The following IFT80 variants were observed in gnomAD, a reference collection of about 807,000 sequenced individuals.
The protein encoded by IFT80 is intraflagellar transport protein 80 homolog.
IFT80 carries 79 observed loss-of-function variants against 107.9 expected under a neutral mutation model. The ratio of observed to expected loss-of-function variants is 0.73; its 90% confidence interval spans 0.61 to 0.88. The LOEUF (loss-of-function observed/expected upper bound fraction) is 0.88, where lower values mean the gene tolerates loss of function less well. Among genes scored for constraint, IFT80 ranks in the 40% least tolerant of loss-of-function variants. IFT80 has a pLI of 0.00. For missense variants in IFT80, 797 were observed against 914.2 expected (o/e 0.87, Z 1.65); for synonymous variants, 299 against 300.9 (o/e 0.99, Z 0.07).
intron 6 of IFT80, among the ~76,000 whole-genome samples, chr3:160,361,025 C>T (rs529059664): frequency 5.6e-4 from 86 of 152,256 alleles, no homozygotes; most frequent in African/African-American, 2.1e-3. Context: ...TCACACATAA[C>T]AATATTAACC....
intron 1 of IFT80, among the ~76,000 whole-genome samples, chr3:160,387,853 C>G (rs1462226007): frequency 2.0e-5 from 3 of 152,094 alleles, no homozygotes; most frequent in Non-Finnish European, 4.4e-5. Context: ...ATTCAATGGC[C>G]TGGAAATCCT....
In IFT80 at chr3:160,279,306, T is replaced by C. The variant is rs1364325057; in HGVS notation, c.1723A>G (p.Arg575Gly). The C allele has an allele frequency of 6.2e-7, 1 of 1,613,132 alleles. No homozygotes were observed. Among genetic ancestry groups the C allele is most frequent in the South Asian group, 1.1e-5 (1 of 91,050 alleles). Residue 575 changes from arginine to glycine, a missense_variant, in exon 16 of 20, where the codon AGA (arginine) becomes GGA (glycine). Coordinates refer to ENST00000326448, the MANE Select transcript of IFT80 (RefSeq NM_020800.3). The stretch of plus-strand genomic sequence containing the variant: ...ATGTGAACCAGGGAGCCATCAGCTC[T>C]TCTAATAGTTACTTGATTTCCAACA... ...SFVGNQVTIR[R>G]ADGSLVHISI...
chr3:160,344,841 G>C (rs906505068), intron 8 of IFT80, among the ~76,000 whole-genome samples: 1 of 152,114 alleles, frequency 6.6e-6, no homozygotes, highest in Admixed American at 6.5e-5. Flanking sequence ...TATATGAAAA[G>C]GTGCTCAATA....
intron 8 of IFT80, chr3:160,343,668 T>C: frequency 4.7e-6 from 1 of 211,524 alleles, no homozygotes; most frequent in South Asian, 6.0e-5. Flanking sequence ...TAATGTACAA[T>C]TAGTTTCTAT....
In IFT80 at chr3:160,297,575, G is replaced by A. The variant is rs16831168; in HGVS notation, c.1315+3308C>T. Among the ~76,000 whole-genome samples, 677 of 151,898 alleles carry A rather than the reference G, an allele frequency of 4.5e-3. 7 individuals carry two copies. The highest frequency in any genetic ancestry group is 0.016 in the African/African-American group (652 of 41,456). Reference sequence around the variant, plus strand: ...TGGAGGTCACCGCTATATTCACCAAGAAAAATCACGTTGCAACATTTAGTT... The same window carrying A: ...TGGAGGTCACCGCTATATTCACCAAAAAAAATCACGTTGCAACATTTAGTT... On this transcript the variant is annotated intron_variant, in intron 12 of 19. Coordinates refer to ENST00000326448, the MANE Select transcript of IFT80 (RefSeq NM_020800.3).
In IFT80 at chr3:160,384,664, G is replaced by T; in HGVS notation, c.-46-18C>A. 2 of 1,565,008 alleles carry T rather than the reference G, an allele frequency of 1.3e-6. No individual in the cohort carries two copies. Among genetic ancestry groups the T allele is most frequent in the South Asian group, 1.1e-5 (1 of 87,922 alleles). On this transcript the variant is annotated intron_variant, in intron 1 of 19. Transcript: ENST00000326448. ...TGTATTTACTGTAAAAATAAAAGGA[G>T]AGAAAATATAAAGTCAGCATTAAAA... is the stretch of plus-strand genomic sequence containing the variant.
At chr3:160,352,239 C>G (rs1720763970) in intron 8 of IFT80, among the ~76,000 whole-genome samples, 1 of 151,738 alleles carries the variant, frequency 6.6e-6, no homozygotes, top group South Asian at 2.1e-4. Flanking sequence ...CGTGATCTGC[C>G]TGCCTCGGCC....
chr3:160,277,771 A>T, intron 16 of IFT80, 101 bp from the exon 17 acceptor site: 1 of 784,060 alleles, frequency 1.3e-6, no homozygotes, highest in Non-Finnish European at 2.2e-6. Flanking sequence ...TTTTAATTTA[A>T]AAAATAAAAA....
At chr3:160,304,140 A>C in intron 10 of IFT80, 151 bp from the exon 11 acceptor site, 1 of 649,604 alleles carries the variant, frequency 1.5e-6, no homozygotes, top group South Asian at 1.9e-5. Flanking sequence ...ATTGTTCTGA[A>C]ATTATTCACT....
intron 12 of IFT80, among the ~76,000 whole-genome samples, chr3:160,286,865 C>T (rs1231486021): frequency 6.6e-6 from 1 of 151,692 alleles, no homozygotes; most frequent in Non-Finnish European, 1.5e-5. Context: ...CTTCAAAAAC[C>T]CTGAGAATTT....
chr3:160,303,490 G>T (rs1716592370), intron 11 of IFT80, among the ~76,000 whole-genome samples: 1 of 152,098 alleles, frequency 6.6e-6, no homozygotes, highest in Non-Finnish European at 1.5e-5. Context: ...AAGCAGAAAA[G>T]AACAGAATAG....
At chr3:160,288,696 T>C (rs1212712369) in intron 12 of IFT80, among the ~76,000 whole-genome samples, 1 of 152,030 alleles carries the variant, frequency 6.6e-6, no homozygotes, top group Non-Finnish European at 1.5e-5. Context: ...TAAAAGAAGA[T>C]ATACATGTGG....
intron 9 of IFT80, among the ~76,000 whole-genome samples, chr3:160,312,056 C>T (rs1376912705): frequency 6.6e-6 from 1 of 152,214 alleles, no homozygotes; most frequent in Non-Finnish European, 1.5e-5. Flanking sequence ...GCTGGGATTA[C>T]AGGCATGAGC....
chr3:160,321,357 T>C (rs1303731382), intron 8 of IFT80, among the ~76,000 whole-genome samples: 1 of 151,988 alleles, frequency 6.6e-6, no homozygotes, highest in East Asian at 1.9e-4. Context: ...CAAATAAGAC[T>C]TGATATATTA....
intron 19 of IFT80, 78 bp downstream of exon 19, chr3:160,268,335 C>T (rs1713509764): frequency 1.6e-6 from 2 of 1,279,982 alleles, no homozygotes; most frequent in Non-Finnish European, 2.2e-6. Flanking sequence ...GAATCATTCA[C>T]ATTTTGTCTC....
At chr3:160,285,978 CAGAG>C in intron 12 of IFT80, 110 bp from the exon 13 acceptor site, 1 of 711,720 alleles carries the variant, frequency 1.4e-6, no homozygotes, top group South Asian at 1.8e-5. Context: ...CTCTAGACCA[CAGAG>C]AGAGCAGCAG....
At chr3:160,377,905 G>C (rs917826345) in intron 3 of IFT80, 7 of 158,394 alleles carry the variant, frequency 4.4e-5, no homozygotes, top group Non-Finnish European at 8.3e-5. Flanking sequence ...GGATGAGAAA[G>C]TGTTTTAAAT....
At chr3:160,342,084 T>C (rs1423435949) in intron 8 of IFT80, among the ~76,000 whole-genome samples, 1 of 152,008 alleles carries the variant, frequency 6.6e-6, no homozygotes, top group Non-Finnish European at 1.5e-5. Context: ...AAAGAAACAA[T>C]CAACACACTA....
intron 15 of IFT80, 31 bp downstream of exon 15, chr3:160,280,636 C>A (rs1016138018): frequency 6.3e-7 from 1 of 1,585,738 alleles, no homozygotes; most frequent in African/African-American, 1.3e-5. Context: ...TTATTTACTA[C>A]AAAACAGAAT....
Sources: gnomAD v4.1 joint callset for allele counts (sites outside exome capture counted in the v4.1 genomes callset) on GRCh38, gnomAD v4.1.1 for gene constraint, MANE v1.5 for transcripts, NCBI Gene and HGNC (gene_info 2026-07-23, HGNC 2026-07-21) for gene names.